CDH12: variants seen among roughly 807,000 people sequenced by gnomAD.
CDH12 encodes cadherin-12.
CDH12 carries 41 observed loss-of-function variants against 74.1 expected under a neutral mutation model. That is an observed-to-expected ratio of 0.55 (90% CI 0.43 to 0.72). The LOEUF (loss-of-function observed/expected upper bound fraction) is 0.72, where lower values mean the gene tolerates loss of function less well. Among genes scored for constraint, CDH12 ranks in the 30% least tolerant of loss-of-function variants. The pLI, the probability that CDH12 is intolerant of heterozygous loss-of-function variation, is 0.00. For missense variants in CDH12, 945 were observed against 977.2 expected, an observed-to-expected ratio of 0.97 and a Z score of 0.44; for synonymous variants, 399 against 355.0, an observed-to-expected ratio of 1.12 and a Z score of -1.39.
intron 1 of CDH12, among the ~76,000 whole-genome samples, chr5:22,681,739 T>C (rs1003523213): frequency 2.0e-5 from 3 of 152,114 alleles, no homozygotes; most frequent in Admixed American, 2.0e-4. Context: ...AACATTGTGA[T>C]TGTTTCAAAT....
At chr5:22,732,456 GTA>G (rs746288133) in intron 1 of CDH12, among the ~76,000 whole-genome samples, 17,596 of 105,488 alleles carry the variant, frequency 0.17, 1,101 homozygotes, top group East Asian at 0.24. Context: ...GAATGTGTGT[GTA>G]TATATATATA....
At chr5:22,142,715 A>T (rs1184958554) in intron 4 of CDH12, 1 of 327,254 alleles carries the variant, frequency 3.1e-6, no homozygotes, top group Non-Finnish European at 6.0e-6. Flanking sequence ...AAAATGTGGG[A>T]TTAAGAAGTG....
intron 5 of CDH12, among the ~76,000 whole-genome samples, chr5:21,982,376 C>T (rs1299598929): frequency 6.6e-6 from 1 of 151,904 alleles, no homozygotes; most frequent in Admixed American, 6.6e-5. Context: ...CAACTGCATA[C>T]CTTTGGACTA....
intron 6 of CDH12, among the ~76,000 whole-genome samples, chr5:21,859,268 C>A (rs1171718116): frequency 6.6e-6 from 1 of 151,788 alleles, no homozygotes; most frequent in Non-Finnish European, 1.5e-5. Context: ...AGGAAACTTA[C>A]AATCAGGAGG....
At chr5:22,444,153 C>T (rs1278432581) in intron 2 of CDH12, among the ~76,000 whole-genome samples, 1 of 151,930 alleles carries the variant, frequency 6.6e-6, no homozygotes. Flanking sequence ...TTAAATAAAT[C>T]CATTTCATCT....
chr5:22,597,918 T>A (rs1736681056), intron 1 of CDH12, among the ~76,000 whole-genome samples: 5 of 152,300 alleles, frequency 3.3e-5, no homozygotes, highest in Admixed American at 3.3e-4. Context: ...AATAAAAATA[T>A]ACTACAAAAT....
chr5:22,028,725 T>A (rs559149741), intron 5 of CDH12, among the ~76,000 whole-genome samples: 1 of 152,270 alleles, frequency 6.6e-6, no homozygotes, highest in African/African-American at 2.4e-5. Context: ...CCCATCAAGC[T>A]ACCAATGACT....
intron 3 of CDH12, among the ~76,000 whole-genome samples, chr5:22,215,008 G>A (rs923168119): frequency 1.1e-4 from 17 of 152,184 alleles, no homozygotes; most frequent in African/African-American, 3.6e-4. Flanking sequence ...AGGGGAGACC[G>A]TAGTCACATG....
At chr5:22,774,313 G>T (rs111987226) in intron 1 of CDH12, among the ~76,000 whole-genome samples, 26,652 of 152,076 alleles carry the variant, frequency 0.18, 2,585 homozygotes, top group Non-Finnish European at 0.23. Flanking sequence ...ATGAAATCAT[G>T]TCTTTTACAG....
intron 6 of CDH12, among the ~76,000 whole-genome samples, chr5:21,926,607 C>T (rs1398248199): frequency 2.6e-5 from 4 of 152,148 alleles, no homozygotes; most frequent in Non-Finnish European, 4.4e-5. Flanking sequence ...AAACATAAAG[C>T]ACTTTATTAA....
At chr5:21,952,296 G>A (rs1755899145) in intron 6 of CDH12, among the ~76,000 whole-genome samples, 1 of 152,112 alleles carries the variant, frequency 6.6e-6, no homozygotes, top group Non-Finnish European at 1.5e-5. Context: ...GTGTTCTTAG[G>A]TAAAAGACTG....
At chr5:22,792,209 T>A (rs2083183785) in intron 1 of CDH12, among the ~76,000 whole-genome samples, 2 of 151,166 alleles carry the variant, frequency 1.3e-5, no homozygotes, top group African/African-American at 4.9e-5. Flanking sequence ...CTGCCTCAGC[T>A]GCCCAAGTAG....
chr5:22,108,536 TA>T (rs1166362353), intron 4 of CDH12, among the ~76,000 whole-genome samples: 3 of 152,214 alleles, frequency 2.0e-5, no homozygotes, highest in Non-Finnish European at 1.5e-5. Flanking sequence ...GGGATGAAGA[TA>T]AAATACCATA....
At chr5:21,772,642 A>G (rs1745384183) in intron 11 of CDH12, among the ~76,000 whole-genome samples, 1 of 152,184 alleles carries the variant, frequency 6.6e-6, no homozygotes, top group Non-Finnish European at 1.5e-5. Context: ...ATCATATACT[A>G]TATCATATTG....
intron 1 of CDH12, among the ~76,000 whole-genome samples, chr5:22,832,710 C>T (rs755704766): frequency 5.9e-5 from 9 of 152,090 alleles, no homozygotes; most frequent in Non-Finnish European, 1.0e-4. Context: ...TTCTTTCCTT[C>T]ACTCTGTAAT....
At chr5:22,188,235 T>C (rs1561202308) in intron 4 of CDH12, among the ~76,000 whole-genome samples, 1 of 152,170 alleles carries the variant, frequency 6.6e-6, no homozygotes, top group Non-Finnish European at 1.5e-5. Flanking sequence ...GATTTGTTCC[T>C]GTGAGAGTGG....
intron 2 of CDH12, among the ~76,000 whole-genome samples, chr5:22,504,422 G>C (rs1736296094): frequency 6.6e-6 from 1 of 152,012 alleles, no homozygotes; most frequent in Admixed American, 6.6e-5. Context: ...CATGCACAGA[G>C]AGTTTGAAAA....
chr5:21,897,217 C>G (rs962862937), intron 6 of CDH12, among the ~76,000 whole-genome samples: 1 of 152,272 alleles, frequency 6.6e-6, no homozygotes, highest in Non-Finnish European at 1.5e-5. Flanking sequence ...TTGCTTTTTA[C>G]AAATCTGGTT....
Position 22,602,441 on chromosome 5 carries a change from A to C in CDH12, c.-522-97077T>G, listed in dbSNP as rs1411672213. Among the ~76,000 whole-genome samples, 6 of 152,284 alleles carry C rather than the reference A, an allele frequency of 3.9e-5. No homozygotes were observed. In the East Asian group the frequency reaches 1.2e-3, roughly 29 times the overall value. ...AGTACAAACAAAAGGAAAGCAAGTA[A>C]GTACAAAATGAAGCTTGCTTGTTGT... On this transcript the variant is annotated intron_variant, in intron 1 of 14. Coordinates refer to ENST00000382254, the MANE Select transcript of CDH12 (RefSeq NM_004061.5).
Sources: allele counts gnomAD v4.1 joint callset (sites outside exome capture counted in the v4.1 genomes callset), GRCh38; gene constraint gnomAD v4.1.1; transcripts MANE v1.5; gene names NCBI Gene and HGNC (gene_info 2026-07-23, HGNC 2026-07-21).